Variants in SMARCB1 observed in about 807,000 individuals in gnomAD.
SMARCB1 encodes SWI/SNF-related matrix-associated actin-dependent regulator of chromatin subfamily B member 1.
SMARCB1 carries 5 observed loss-of-function variants against 49.0 expected under a neutral mutation model. The ratio of observed to expected loss-of-function variants is 0.10; its 90% CI spans 0.05 to 0.21. SMARCB1 has a LOEUF of 0.21. SMARCB1 is among the 10% of genes least tolerant of loss of function. The probability of loss-of-function intolerance (pLI) is 1.00; values close to 1 mark genes in which losing one functional copy is unlikely to be tolerated. For missense variants in SMARCB1, 226 were observed against 509.2 expected, an observed-to-expected ratio of 0.44 and a Z score of 5.35; for synonymous variants, 201 against 200.1, an observed-to-expected ratio of 1.00 and a Z score of -0.04.
intron 5 of SMARCB1, among the ~76,000 whole-genome samples, chr22:23,807,936 A>C: frequency 6.8e-6 from 1 of 147,106 alleles, no homozygotes; most frequent in African/African-American, 2.5e-5. Context: ...CTGGGACTAC[A>C]GGTGCCCACC....
rs553374892 is a variant in SMARCB1, at chr22:23,809,299, G to C, written c.628+5877G>C. 1.5e-4 allele frequency among the ~76,000 whole-genome samples: 22 copies of C among 149,038 alleles called. 2 individuals are homozygous for C. In the South Asian group the frequency reaches 4.7e-3, roughly 32 times the overall value. On this transcript the variant is annotated intron_variant, in intron 5 of 8. Transcript: ENST00000644036. Reference sequence around the variant, plus strand: ...TCTTTTTTTTTTTTTTTTTGAGACGGAGTTTCTGCTCTTGTTGCCCAGGCT... The same window carrying C: ...TCTTTTTTTTTTTTTTTTTGAGACGCAGTTTCTGCTCTTGTTGCCCAGGCT...
At chr22:23,791,008 G>A (rs964649401) in intron 1 of SMARCB1, among the ~76,000 whole-genome samples, 1 of 152,206 alleles carries the variant, frequency 6.6e-6, no homozygotes, top group Non-Finnish European at 1.5e-5. Context: ...AAAATGGGAA[G>A]TGATCCCAGG....
chr22:23,825,070 T>G (rs1205874642), intron 6 of SMARCB1, 155 bp from the exon 7 acceptor site: 2 of 679,880 alleles, frequency 2.9e-6, no homozygotes, highest in Non-Finnish European at 5.3e-6. Flanking sequence ...AGCCTTGTTT[T>G]GGGGATGGGG....
At chr22:23,798,963 T>C (rs913904007) in intron 3 of SMARCB1, among the ~76,000 whole-genome samples, 3 of 147,674 alleles carry the variant, frequency 2.0e-5, no homozygotes, top group African/African-American at 7.6e-5. Context: ...GGCAGGAGAA[T>C]GGCGTGAACC....
At chr22:23,831,953 G>A (rs939086674) in intron 7 of SMARCB1, among the ~76,000 whole-genome samples, 2 of 152,170 alleles carry the variant, frequency 1.3e-5, no homozygotes, top group South Asian at 2.1e-4. Flanking sequence ...TCACCAGTAC[G>A]AGCTTGAGCT....
At chr22:23,801,320 A>G (rs1259155253) in intron 4 of SMARCB1, 1 of 713,772 alleles carries the variant, frequency 1.4e-6, no homozygotes, top group Admixed American at 2.0e-5. Flanking sequence ...TGGCCCCTCA[A>G]GTGGAGTTAC....
At position 23,834,186 on chromosome 22, in the gene SMARCB1, C is replaced by G. The variant is rs1289161415; in HGVS notation, c.*6C>G. Reference sequence around the variant, plus strand: ...ACACGGCCCCGGCCTGGTAACCAGCCCATCAGCACACGGCTCCCACGGAGC... The same window carrying G: ...ACACGGCCCCGGCCTGGTAACCAGCGCATCAGCACACGGCTCCCACGGAGC... On this transcript the variant is annotated 3_prime_UTR_variant, in exon 9 of 9. Transcript: ENST00000644036. 2 of 1,587,450 alleles carry G rather than the reference C, an allele frequency of 1.3e-6. No homozygotes were observed. The highest frequency in any genetic ancestry group is 8.6e-7 in the Non-Finnish European group (1 of 1,167,026).
At chr22:23,818,976 GA>G (rs1185413751) in intron 6 of SMARCB1, among the ~76,000 whole-genome samples, 1 of 151,910 alleles carries the variant, frequency 6.6e-6, no homozygotes, top group Admixed American at 6.6e-5. Flanking sequence ...GAGTAGCTGG[GA>G]AGCTAGGACT....
chr22:23,793,731 G>A (rs2145964838), intron 3 of SMARCB1, 43 bp downstream of exon 3: 1 of 1,605,632 alleles, frequency 6.2e-7, no homozygotes, highest in Non-Finnish European at 8.5e-7. Context: ...ACACCTGTGG[G>A]GTCTTTTCTG....
chr22:23,818,990 C>T (rs564573610), intron 6 of SMARCB1, among the ~76,000 whole-genome samples: 18 of 151,962 alleles, frequency 1.2e-4, no homozygotes, highest in South Asian at 8.3e-4. Context: ...CTAGGACTAC[C>T]GGCACACTCC....
rs554443728 is a variant in SMARCB1 at position 23,836,595 on chromosome 22, G to A, written c.*2415G>A. 66 of 1,176,642 alleles carry A rather than the reference G, an allele frequency of 5.6e-5. No individual in the cohort carries two copies. In the South Asian group the frequency reaches 2.2e-3, roughly 40 times the overall value. The allele number at this position is 1,176,642 out of a possible 1,614,324, so 72.9% of individuals were successfully genotyped here. ...TCAAAGCTCTGCCAGGCAACCATGGGCAGTTTCTTTGCCCTCTGTGGGCAC... is the reference window on the plus strand; with the variant it reads ...TCAAAGCTCTGCCAGGCAACCATGGACAGTTTCTTTGCCCTCTGTGGGCAC... On this transcript the variant is annotated 3_prime_UTR_variant, in exon 9 of 9. Coordinates refer to ENST00000644036, the MANE Select transcript of SMARCB1 (RefSeq NM_003073.5).
chr22:23,803,186 C>T (rs985160420), intron 4 of SMARCB1, 109 bp from the exon 5 acceptor site: 1 of 1,470,842 alleles, frequency 6.8e-7, no homozygotes, highest in Admixed American at 1.7e-5. Context: ...AAGCGGCCAT[C>T]TTCCCCAGAT....
chr22:23,814,197 A>G (rs1197378921), intron 5 of SMARCB1, among the ~76,000 whole-genome samples: 1 of 152,208 alleles, frequency 6.6e-6, no homozygotes, highest in Non-Finnish European at 1.5e-5. Context: ...CTATATAGCT[A>G]CGATAATCAA....
At chr22:23,791,014 C>T (rs1385401776) in intron 1 of SMARCB1, among the ~76,000 whole-genome samples, 1 of 152,008 alleles carries the variant, frequency 6.6e-6, no homozygotes, top group East Asian at 1.9e-4. Flanking sequence ...GGAAGTGATC[C>T]CAGGTTACAG....
intron 6 of SMARCB1, chr22:23,817,296 G>A: frequency 5.3e-6 from 2 of 375,682 alleles, no homozygotes; most frequent in Middle Eastern, 8.2e-4. Flanking sequence ...CATATTACAG[G>A]TGAAGAGGTG....
chr22:23,800,860 G>A, intron 3 of SMARCB1, 84 bp from the exon 4 acceptor site: 2 of 1,045,510 alleles, frequency 1.9e-6, no homozygotes, highest in Non-Finnish European at 1.5e-6. Context: ...GGTACAGTGG[G>A]CATCCCTGGA....
intron 6 of SMARCB1, among the ~76,000 whole-genome samples, chr22:23,820,517 T>C (rs562367660): frequency 2.9e-4 from 44 of 152,320 alleles, no homozygotes; most frequent in African/African-American, 1.1e-3. Flanking sequence ...GAGGTTGCAG[T>C]GAGCCGAGAT....
chr22:23,811,973 T>C (rs1021407403), intron 5 of SMARCB1, among the ~76,000 whole-genome samples: 1 of 152,178 alleles, frequency 6.6e-6, no homozygotes, highest in Non-Finnish European at 1.5e-5. Context: ...ATATCAGGAA[T>C]GAAATGGGAT....
rs1555875920 is a variant in SMARCB1 at position 23,791,855 on chromosome 22, G to T, written c.193G>T (p.Ala65Ser). ...ATVEERKKIV[A>S]SSHGKKTKPN... ...TGTGGAAGAGAGGAAGAAAATAGTT[G>T]CATCGTCACATGGTAAAAAAACAAA... Residue 65 changes from alanine to serine, a missense_variant, in exon 2 of 9, where the codon GCA (alanine) becomes TCA (serine). Ala to Ser is a moderately conservative substitution (Grantham distance 99, BLOSUM62 1). Transcript: ENST00000644036. 9 of 1,614,128 alleles carry T rather than the reference G, an allele frequency of 5.6e-6. No individual in the cohort carries two copies. Among genetic ancestry groups the T allele is most frequent in the Non-Finnish European group, 7.6e-6 (9 of 1,179,930 alleles).
Sources: allele counts gnomAD v4.1 joint callset (sites outside exome capture counted in the v4.1 genomes callset), GRCh38; gene constraint gnomAD v4.1.1; transcripts MANE v1.5; gene names NCBI Gene and HGNC (gene_info 2026-07-23, HGNC 2026-07-21).